Variants in ZDHHC17 observed in about 807,000 individuals in gnomAD.
The protein encoded by ZDHHC17 is palmitoyltransferase ZDHHC17.
ZDHHC17 carries 40 observed loss-of-function variants against 90.3 expected under a neutral mutation model. That is an observed-to-expected ratio of 0.44 (90% CI 0.34 to 0.58). The LOEUF is 0.58. Ranked by LOEUF, ZDHHC17 falls within the 20% of genes least tolerant of loss-of-function variation. ZDHHC17 has a pLI of 0.01. For missense variants in ZDHHC17, 614 were observed against 780.8 expected (o/e 0.79, Z 2.55); for synonymous variants, 235 against 252.4 (o/e 0.93, Z 0.65).
intron 1 of ZDHHC17, among the ~76,000 whole-genome samples, chr12:76,794,379 T>TA (rs1472033338): frequency 6.6e-6 from 1 of 152,170 alleles, no homozygotes; most frequent in African/African-American, 2.4e-5. Flanking sequence ...ATTATCTTGA[T>TA]AGAGTGTTGT....
At chr12:76,820,082 C>G (rs1953144647) in intron 7 of ZDHHC17, among the ~76,000 whole-genome samples, 1 of 151,568 alleles carries the variant, frequency 6.6e-6, no homozygotes, top group South Asian at 2.1e-4. Context: ...TCAGGAATAG[C>G]TGTATACCCT....
In ZDHHC17 at chr12:76,791,386, A is replaced by AT. The variant is rs1276529597; in HGVS notation, c.94-6040dup. Among the ~76,000 whole-genome samples the AT allele has an allele frequency of 2.6e-5, 4 of 151,914 alleles. No homozygotes were observed. In the East Asian group the frequency reaches 7.7e-4, roughly 29 times the overall value. ...ACCTCAGGTTTTCCTTTGTTGCCAA[A>AT]TTTTTTTTGCCTATTTCTATGGCTG... On this transcript the variant is annotated intron_variant, in intron 1 of 16. Coordinates refer to ENST00000426126, the MANE Select transcript of ZDHHC17 (RefSeq NM_015336.4).
chr12:76,837,351 C>T (rs1432879367), intron 10 of ZDHHC17, among the ~76,000 whole-genome samples: 3 of 151,958 alleles, frequency 2.0e-5, no homozygotes, highest in East Asian at 3.9e-4. Flanking sequence ...AAAAATTAGC[C>T]GGGTGTGGTG....
intron 1 of ZDHHC17, among the ~76,000 whole-genome samples, chr12:76,788,327 C>T (rs1022913550): frequency 1.3e-5 from 2 of 151,992 alleles, no homozygotes; most frequent in African/African-American, 4.8e-5. Flanking sequence ...TTTCAAAGGG[C>T]CAAGGGTGTA....
chr12:76,809,192 T>A (rs1352102021), intron 4 of ZDHHC17, 72 bp downstream of exon 4: 21 of 1,054,570 alleles, frequency 2.0e-5, no homozygotes, highest in African/African-American at 1.7e-5. Context: ...TTTAAAAAAA[T>A]GATATACTAA....
At chr12:76,791,736 C>G (rs1197859555) in intron 1 of ZDHHC17, among the ~76,000 whole-genome samples, 1 of 152,198 alleles carries the variant, frequency 6.6e-6, no homozygotes, top group Non-Finnish European at 1.5e-5. Context: ...GTCCCCACTT[C>G]AGATGCCAGT....
intron 12 of ZDHHC17, 102 bp from the exon 13 acceptor site, chr12:76,845,606 AT>A (rs1953485297): frequency 2.2e-6 from 1 of 456,994 alleles, no homozygotes. Context: ...TGTTTAAAAA[AT>A]ATAGTTTTAT....
intron 15 of ZDHHC17, 48 bp from the exon 16 acceptor site, chr12:76,849,328 A>AAAAAAAAAAC: frequency 1.0e-6 from 1 of 989,854 alleles, no homozygotes; most frequent in South Asian, 1.7e-5. Flanking sequence ...TGTCTCAAAA[A>AAAAAAAAAAC]AAAAAAAAAA....
At position 76,824,179 on chromosome 12, in the gene ZDHHC17, A is replaced by G. The variant is rs143330640; in HGVS notation, c.897+1648A>G. 7.1e-3 allele frequency among the ~76,000 whole-genome samples: 1,074 copies of G among 152,298 alleles called. 10 individuals are homozygous for G. The highest frequency in any genetic ancestry group is 0.025 in the African/African-American group (1,019 of 41,562). ...AAGTTACTTATGGCATTATTAAACT[A>G]TACATCAGGTTTATGTGTTTGGATA... is the stretch of plus-strand genomic sequence containing the variant. On this transcript the variant is annotated intron_variant, in intron 8 of 16. Transcript: ENST00000426126.
At chr12:76,819,865 T>C (rs1194802762) in intron 7 of ZDHHC17, among the ~76,000 whole-genome samples, 1 of 151,916 alleles carries the variant, frequency 6.6e-6, no homozygotes, top group African/African-American at 2.4e-5. Context: ...TGGTGGTACA[T>C]GTCTGTAATC....
Position 76,828,412 on chromosome 12 carries a change from C to A in ZDHHC17, c.1063C>A (p.His355Asn). ...LSKSFFDHSM[H>N]SALPLGIYLA... ...CAGATCCTTTTTCGATCATTCAATG[C>A]ATAGTGCATTGCCCCTTGGGATATA... Residue 355 changes from histidine to asparagine, a missense_variant, in exon 10 of 17, where the codon CAT becomes AAT. By Grantham distance (68) the His-to-Asn change is moderately conservative. Around this residue, in one of 5 missense-constraint regions of ZDHHC17, gnomAD observed 117 missense variants for 183.6 expected, o/e 0.64. Coordinates refer to ENST00000426126, the MANE Select transcript of ZDHHC17 (RefSeq NM_015336.4). The A allele has an allele frequency of 6.2e-7, 1 of 1,610,712 alleles. No homozygotes were observed. Among genetic ancestry groups the A allele is most frequent in the South Asian group, 1.1e-5 (1 of 90,572 alleles).
chr12:76,825,841 T>C (rs917170426), intron 8 of ZDHHC17, among the ~76,000 whole-genome samples: 3 of 152,160 alleles, frequency 2.0e-5, no homozygotes, highest in African/African-American at 7.2e-5. Flanking sequence ...CTTTTTTCTT[T>C]TGGTGTGTGT....
intron 5 of ZDHHC17, 92 bp downstream of exon 5, chr12:76,809,949 T>G: frequency 4.5e-6 from 6 of 1,347,596 alleles, no homozygotes; most frequent in Non-Finnish European, 6.1e-6. Flanking sequence ...GCCGTTGATA[T>G]TTAAATAGCA....
Position 76,809,136 on chromosome 12 carries a change from TG to T in ZDHHC17, c.398+18del. The T allele has an allele frequency of 6.6e-7, 1 of 1,522,374 alleles. No individual in the cohort carries two copies. The highest frequency in any genetic ancestry group is 1.4e-5 in the South Asian group (1 of 73,196). The allele number at this position is 1,522,374 out of a possible 1,614,324, so 94.3% of individuals were successfully genotyped here. ...GGGCCACAAGGTTTAAATTTGCTTCTGGATTTTTTTCCTTTGGTTCCTTTAT... is the reference window on the plus strand; with the variant it reads ...GGGCCACAAGGTTTAAATTTGCTTCTGATTTTTTTCCTTTGGTTCCTTTAT... On this transcript the variant is annotated intron_variant, in intron 4 of 16. Transcript: ENST00000426126.
At chr12:76,805,118 AGT>A (rs578209919) in intron 2 of ZDHHC17, among the ~76,000 whole-genome samples, 197 bp from the exon 3 acceptor site, 16 of 152,212 alleles carry the variant, frequency 1.1e-4, no homozygotes, top group Admixed American at 9.8e-4. Flanking sequence ...CATTCTTATA[AGT>A]GAGACATTTT....
At chr12:76,796,753 A>C (rs953738012) in intron 1 of ZDHHC17, among the ~76,000 whole-genome samples, 7 of 152,188 alleles carry the variant, frequency 4.6e-5, no homozygotes, top group African/African-American at 1.7e-4. Flanking sequence ...CATGTGATGA[A>C]GGTTTTAAAG....
chr12:76,792,910 A>G (rs2137739610), intron 1 of ZDHHC17, among the ~76,000 whole-genome samples: 2 of 152,328 alleles, frequency 1.3e-5, no homozygotes, highest in Middle Eastern at 3.4e-3. Context: ...CAGTGACATC[A>G]AACTTAAGTC....
chr12:76,820,592 A>G (rs1216685215), intron 7 of ZDHHC17, among the ~76,000 whole-genome samples: 3 of 152,312 alleles, frequency 2.0e-5, no homozygotes, highest in East Asian at 3.9e-4. Flanking sequence ...CTGTTCATTA[A>G]TGTATTGAAA....
At chr12:76,770,988 C>A (rs992975932) in intron 1 of ZDHHC17, among the ~76,000 whole-genome samples, 12 of 150,780 alleles carry the variant, frequency 8.0e-5, no homozygotes, top group African/African-American at 2.9e-4. Flanking sequence ...ATTACATAAT[C>A]CGAAAAGATG....
Sources: allele counts gnomAD v4.1 joint callset (sites outside exome capture counted in the v4.1 genomes callset), GRCh38; gene constraint gnomAD v4.1.1; regional missense constraint gnomAD v4.1.1; transcripts MANE v1.5; gene names NCBI Gene and HGNC (gene_info 2026-07-23, HGNC 2026-07-21).